Variants in SLC25A48 observed in about 807,000 individuals in gnomAD.
SLC25A48 encodes solute carrier family 25 member 48, also known as CTC-321K16.1.
Under a neutral mutation model 32.2 loss-of-function variants are expected in SLC25A48, and 29 were observed. The observed-to-expected ratio is 0.90, with a 90% CI of 0.67 to 1.23. The LOEUF (loss-of-function observed/expected upper bound fraction) is 1.23. SLC25A48 is among the 50% of genes most tolerant of loss of function. SLC25A48 has a pLI of 0.00. For missense variants in SLC25A48, 399 were observed against 422.7 expected (o/e 0.94, Z 0.49); for synonymous variants, 164 against 172.3 (o/e 0.95, Z 0.38).
intron 3 of SLC25A48, among the ~76,000 whole-genome samples, chr5:135,800,905 G>A (rs1561499733): frequency 6.6e-6 from 1 of 150,528 alleles, no homozygotes; most frequent in East Asian, 2.0e-4. Context: ...TCGCAGGGGC[G>A]TGTACACCCC....
chr5:135,849,160 C>A (rs1475347115), intron 2 of SLC25A48, among the ~76,000 whole-genome samples: 2 of 152,178 alleles, frequency 1.3e-5, no homozygotes, highest in Non-Finnish European at 2.9e-5. Context: ...CTGAGATCAC[C>A]ATTTTAACTA....
At chr5:135,845,859 T>C (rs773875752) in intron 2 of SLC25A48, among the ~76,000 whole-genome samples, 9 of 152,216 alleles carry the variant, frequency 5.9e-5, no homozygotes, top group Non-Finnish European at 8.8e-5. Flanking sequence ...GGCTTATTCC[T>C]GTGCCCTTGG....
At chr5:135,668,231 AAT>A (rs1753569326) in intron 3 of SLC25A48, among the ~76,000 whole-genome samples, 1 of 152,244 alleles carries the variant, frequency 6.6e-6, no homozygotes, top group South Asian at 2.1e-4. Flanking sequence ...ATAATGACCA[AAT>A]GATCAAAACT....
intron 1 of SLC25A48, among the ~76,000 whole-genome samples, chr5:135,604,016 G>A (rs908872325): frequency 1.3e-5 from 2 of 152,200 alleles, no homozygotes; most frequent in Non-Finnish European, 2.9e-5. Flanking sequence ...AAACAGCTTT[G>A]ACTTATTGAG....
rs545449820 is a variant in SLC25A48 at position 135,724,545 on chromosome 5, C to T, written c.-520-87978C>T. ...TTGGGTAGAAAAGCCAGCCTTCCTC[C>T]ACCCCACAGGAACCCTGGACAGGAC... On this transcript the variant is annotated intron_variant, in intron 3 of 10. Transcript: ENST00000646290. Among the ~76,000 whole-genome samples the T allele has an allele frequency of 3.3e-5, 5 of 152,370 alleles. No homozygotes were observed. The South Asian group carries it at 1.0e-3, about 32-fold the overall frequency.
intron 1 of SLC25A48, among the ~76,000 whole-genome samples, chr5:135,607,643 C>G (rs1186663360): frequency 1.3e-5 from 2 of 152,170 alleles, no homozygotes; most frequent in Non-Finnish European, 2.9e-5. Context: ...TATATGTTTT[C>G]CTGCTTCTAT....
chr5:135,604,116 T>C (rs940098940), intron 1 of SLC25A48, among the ~76,000 whole-genome samples: 2 of 152,210 alleles, frequency 1.3e-5, no homozygotes, highest in Non-Finnish European at 2.9e-5. Flanking sequence ...TTATGCCCTC[T>C]GTGCAGGTGA....
chr5:135,745,627 G>A (rs1755620586), intron 3 of SLC25A48, among the ~76,000 whole-genome samples: 1 of 152,170 alleles, frequency 6.6e-6, no homozygotes, highest in Non-Finnish European at 1.5e-5. Flanking sequence ...AGGCTCCTAA[G>A]GTCCTCCCAT....
intron 3 of SLC25A48, among the ~76,000 whole-genome samples, chr5:135,775,978 C>T (rs1427777081): frequency 2.6e-5 from 4 of 151,600 alleles, no homozygotes; most frequent in Non-Finnish European, 5.9e-5. Context: ...GATATTACTC[C>T]CAATATCACA....
chr5:135,875,488 A>T (rs1561555835), intron 6 of SLC25A48: 1 of 152,260 alleles, frequency 6.6e-6, no homozygotes, highest in Non-Finnish European at 1.5e-5. Flanking sequence ...ACACTAAAAG[A>T]CAGAACTACC....
chr5:135,676,092 GT>G (rs1753763450), intron 3 of SLC25A48, among the ~76,000 whole-genome samples: 1 of 151,802 alleles, frequency 6.6e-6, no homozygotes, highest in African/African-American at 2.4e-5. Flanking sequence ...ACATCTAAGA[GT>G]TTTTTGGTGG....
chr5:135,887,222 C>T (rs1762766192), intron 7 of SLC25A48, among the ~76,000 whole-genome samples: 1 of 152,038 alleles, frequency 6.6e-6, no homozygotes, highest in Non-Finnish European at 1.5e-5. Flanking sequence ...TTGCGTTTTC[C>T]GTTTTTGCGG....
intron 3 of SLC25A48, among the ~76,000 whole-genome samples, chr5:135,648,312 A>G (rs1753020465): frequency 6.6e-6 from 1 of 152,194 alleles, no homozygotes; most frequent in African/African-American, 2.4e-5. Context: ...CCCAAGTCCC[A>G]GGGCACTCCT....
chr5:135,659,759 G>T (rs1230990658), intron 3 of SLC25A48, among the ~76,000 whole-genome samples: 1 of 152,198 alleles, frequency 6.6e-6, no homozygotes, highest in Admixed American at 6.5e-5. Context: ...ATGGTGGAAG[G>T]TGAAGAGGAA....
intron 3 of SLC25A48, among the ~76,000 whole-genome samples, chr5:135,773,834 GA>G (rs1756478916): frequency 6.6e-6 from 1 of 151,222 alleles, no homozygotes; most frequent in African/African-American, 2.4e-5. Flanking sequence ...CTAATATCCA[GA>G]GGGGGGAGGG....
At chr5:135,798,635 G>C (rs1757245169) in intron 3 of SLC25A48, among the ~76,000 whole-genome samples, 1 of 151,580 alleles carries the variant, frequency 6.6e-6, no homozygotes, top group Admixed American at 6.6e-5. Flanking sequence ...ACCCCCTGCT[G>C]TGATAGATTT....
At chr5:135,640,513 C>G (rs1302209349) in intron 3 of SLC25A48, among the ~76,000 whole-genome samples, 1 of 152,098 alleles carries the variant, frequency 6.6e-6, no homozygotes, top group African/African-American at 2.4e-5. Context: ...CCGCATGATA[C>G]AATACCTGAC....
At chr5:135,626,248 A>G (rs1752438541) in intron 1 of SLC25A48, among the ~76,000 whole-genome samples, 1 of 152,236 alleles carries the variant, frequency 6.6e-6, no homozygotes, top group African/African-American at 2.4e-5. Flanking sequence ...CAAATTCCTG[A>G]GGCAGATGCT....
intron 4 of SLC25A48, among the ~76,000 whole-genome samples, chr5:135,855,654 A>G (rs1760252156): frequency 6.6e-6 from 1 of 152,222 alleles, no homozygotes; most frequent in Non-Finnish European, 1.5e-5. Flanking sequence ...CATATTTTAC[A>G]ATGGCAACAG....
Sources: allele counts gnomAD v4.1 joint callset (sites outside exome capture counted in the v4.1 genomes callset), GRCh38; gene constraint gnomAD v4.1.1; transcripts MANE v1.5; gene names NCBI Gene and HGNC (gene_info 2026-07-23, HGNC 2026-07-21).